The following CADPS variants were observed in gnomAD, a reference collection of about 807,000 sequenced individuals.
CADPS encodes calcium dependent secretion activator, also known as calcium-dependent secretion activator 1.
Under a neutral mutation model 167.3 loss-of-function variants are expected in CADPS, and 57 were observed. That is an observed-to-expected ratio of 0.34 (90% confidence interval 0.28 to 0.42). CADPS has a LOEUF of 0.42. CADPS is among the 20% of genes least tolerant of loss of function. CADPS has a pLI of 1.00. For synonymous variants in CADPS, 676 were observed against 635.3 expected, an observed-to-expected ratio of 1.06 and a Z score of -0.96; for missense variants, 1,414 against 1,738.1, an observed-to-expected ratio of 0.81 and a Z score of 3.32.
intron 22 of CADPS, among the ~76,000 whole-genome samples, chr3:62,480,796 C>T (rs1026492189): frequency 3.3e-5 from 5 of 152,172 alleles, no homozygotes; most frequent in African/African-American, 7.2e-5. Context: ...GGTACAGAAT[C>T]GCTAAACCTT....
At chr3:62,808,298 C>G (rs1366964697) in intron 1 of CADPS, among the ~76,000 whole-genome samples, 2 of 152,090 alleles carry the variant, frequency 1.3e-5, no homozygotes, top group Admixed American at 6.5e-5. Context: ...GATTTTGAGT[C>G]TGACTCTCCA....
intron 3 of CADPS, among the ~76,000 whole-genome samples, chr3:62,730,419 G>T (rs889791168): frequency 6.6e-6 from 1 of 152,148 alleles, no homozygotes; most frequent in African/African-American, 2.4e-5. Context: ...AAAGATTTGG[G>T]TAGTATTCTA....
intron 9 of CADPS, among the ~76,000 whole-genome samples, chr3:62,567,158 C>T (rs1314837035): frequency 3.9e-5 from 6 of 152,242 alleles, no homozygotes; most frequent in African/African-American, 1.4e-4. Context: ...CATATTTCCT[C>T]TTGTTTTTCC....
At chr3:62,782,974 G>A (rs2091915214) in intron 1 of CADPS, among the ~76,000 whole-genome samples, 1 of 152,078 alleles carries the variant, frequency 6.6e-6, no homozygotes, top group Admixed American at 6.5e-5. Flanking sequence ...TGGCCAGGCT[G>A]GTCTCAAACT....
intron 1 of CADPS, among the ~76,000 whole-genome samples, chr3:62,789,814 A>AC (rs1381118461): frequency 6.6e-6 from 1 of 152,222 alleles, no homozygotes; most frequent in Non-Finnish European, 1.5e-5. Flanking sequence ...ATTATAATTA[A>AC]CGTGTATCAA....
At chr3:62,690,395 G>A (rs908528283) in intron 3 of CADPS, among the ~76,000 whole-genome samples, 1 of 151,940 alleles carries the variant, frequency 6.6e-6, no homozygotes, top group African/African-American at 2.4e-5. Context: ...CTTATATCAA[G>A]TTCACTTCAC....
rs1705096505 is a variant in CADPS, at chr3:62,399,519, T to C, written c.3949A>G (p.Thr1317Ala). Reference sequence around the variant, plus strand: ...TCCACAGTGAGACGGTTCCGGATCGTTTCATAGGTCTTGCTGTTTAAGGTG... The same window carrying C: ...TCCACAGTGAGACGGTTCCGGATCGCTTCATAGGTCTTGCTGTTTAAGGTG... ...DSTLNSKTYE[T>A]IRNRLTVEEA... Residue 1317 changes from threonine to alanine, a missense_variant, in exon 30 of 30, where the codon ACG (threonine) becomes GCG (alanine). Thr to Ala is a moderately conservative substitution (Grantham distance 58). Around this residue, in one of 6 missense-constraint regions of CADPS, gnomAD observed 185 missense variants for 251.5 expected, o/e 0.74. Transcript: ENST00000383710. This position sits in a 1 kb window ranked among gnomAD's most constrained non-coding sequence, Gnocchi z 5.6. The C allele has an allele frequency of 6.2e-7, 1 of 1,614,016 alleles. No individual in the cohort carries two copies. Among genetic ancestry groups the C allele is most frequent in the Non-Finnish European group, 8.5e-7 (1 of 1,179,996 alleles).
intron 3 of CADPS, among the ~76,000 whole-genome samples, chr3:62,697,061 G>C (rs2080437611): frequency 6.6e-6 from 1 of 152,054 alleles, no homozygotes. Context: ...TGCAAATCTT[G>C]CCTCAATCAA....
intron 1 of CADPS, among the ~76,000 whole-genome samples, chr3:62,867,117 ATCAATATGGTAATAG>A (rs1443550333): frequency 6.6e-6 from 1 of 152,112 alleles, no homozygotes; most frequent in Non-Finnish European, 1.5e-5. Flanking sequence ...AATGGTAACA[ATCAATATGGTAATAG>A]TCAATATCAT....
At chr3:62,490,707 T>A (rs1241896298) in intron 21 of CADPS, among the ~76,000 whole-genome samples, 1 of 152,192 alleles carries the variant, frequency 6.6e-6, no homozygotes, top group African/African-American at 2.4e-5. Flanking sequence ...GTGGGGTAGG[T>A]ATTGTTTCCT....
rs942384747 is a variant in CADPS at position 62,774,807 on chromosome 3, A to G, written c.442-8823T>C. ...ATGAAGAGAATCTGGCCTCCTACAG[A>G]TAGGTTGTTGGAAAACTGAGAGATA... On this transcript the variant is annotated intron_variant, in intron 1 of 29. Transcript: ENST00000383710. Among the ~76,000 whole-genome samples the G allele has an allele frequency of 3.3e-5, 5 of 152,252 alleles. No individual in the cohort carries two copies. In the South Asian group the frequency reaches 6.2e-4, roughly 19 times the overall value.
chr3:62,584,005 CT>C (rs34234122), intron 8 of CADPS, among the ~76,000 whole-genome samples: 79,160 of 123,092 alleles, frequency 0.64, 24,285 homozygotes, highest in South Asian at 0.77. Context: ...ACCCAATCCT[CT>C]TTTTTTTTTT....
chr3:62,743,127 A>G (rs2080653883), intron 3 of CADPS, among the ~76,000 whole-genome samples: 1 of 152,162 alleles, frequency 6.6e-6, no homozygotes, highest in South Asian at 2.1e-4. Flanking sequence ...AAAATAACAG[A>G]TGTTGGAAAG....
At chr3:62,512,904 G>C (rs2068141612) in intron 16 of CADPS, 136 bp from the exon 17 acceptor site, 2 of 618,624 alleles carry the variant, frequency 3.2e-6, no homozygotes, top group Non-Finnish European at 5.2e-6. Context: ...GGTTGCCCTT[G>C]GGTTCCCACC....
At chr3:62,763,489 A>T (rs915164290) in intron 2 of CADPS, among the ~76,000 whole-genome samples, 4 of 152,160 alleles carry the variant, frequency 2.6e-5, no homozygotes, top group African/African-American at 9.7e-5. Flanking sequence ...TGAGGAAATA[A>T]ATCTCTTTTT....
chr3:62,435,283 G>C (rs559376483), intron 28 of CADPS, among the ~76,000 whole-genome samples: 1 of 152,250 alleles, frequency 6.6e-6, no homozygotes, highest in South Asian at 2.1e-4. Context: ...CTTCTGCCTT[G>C]ATATTCCTAT....
chr3:62,792,276 C>T (rs147115932), intron 1 of CADPS, among the ~76,000 whole-genome samples: 12 of 151,646 alleles, frequency 7.9e-5, no homozygotes, highest in Admixed American at 7.2e-4. Context: ...CAGCTCACTG[C>T]AACCTTGACC....
chr3:62,465,571 A>C lies in CADPS; in HGVS notation c.3553-121T>G. 1 of 598,248 alleles carries C rather than the reference A, an allele frequency of 1.7e-6. No homozygotes were observed. The highest frequency in any genetic ancestry group is 3.1e-5 in the Admixed American group (1 of 32,650). 37.1% of individuals were successfully genotyped at this position (598,248 alleles called of 1,614,324 possible). A position where few individuals can be genotyped will look rare whatever the true frequency, so the allele number is the denominator to read the frequency against. On this transcript the variant is annotated intron_variant, in intron 25 of 29. Transcript: ENST00000383710. The surrounding 1 kb of genome is among the most constrained non-coding windows in gnomAD (Gnocchi z 4.1). The stretch of plus-strand genomic sequence containing the variant: ...AGCCCTCCGTTCATTTCTGCAGTCT[A>C]TTATTTGATTCCCGCCTTCGGAGAA...
At chr3:62,675,002 T>G (rs1306632345) in intron 3 of CADPS, among the ~76,000 whole-genome samples, 1 of 152,232 alleles carries the variant, frequency 6.6e-6, no homozygotes, top group Non-Finnish European at 1.5e-5. Flanking sequence ...GGTAAGAAGT[T>G]AACCTTGAAA....
Sources: gnomAD v4.1 joint callset for allele counts (sites outside exome capture counted in the v4.1 genomes callset) on GRCh38, gnomAD v4.1.1 for gene constraint, gnomAD v4.1.1 regional missense constraint, Gnocchi (gnomAD v3.1) non-coding constraint, MANE v1.5 for transcripts, NCBI Gene and HGNC (gene_info 2026-07-23, HGNC 2026-07-21) for gene names.